Variants in MARCHF1 observed in about 807,000 individuals in gnomAD.
MARCHF1 encodes the protein E3 ubiquitin-protein ligase MARCHF1.
MARCHF1 carries 40 observed loss-of-function variants against 54.2 expected under a neutral mutation model. That is an observed-to-expected ratio of 0.74 (90% CI 0.57 to 0.96). The LOEUF (loss-of-function observed/expected upper bound fraction) is 0.96, where lower values mean the gene tolerates loss of function less well. Ranked by LOEUF, MARCHF1 falls within the 40% of genes least tolerant of loss-of-function variation. The pLI is 0.00. For synonymous variants in MARCHF1, 236 were observed against 236.3 expected (o/e 1.00, Z 0.01); for missense variants, 586 against 656.5 (o/e 0.89, Z 1.17).
intron 1 of MARCHF1, among the ~76,000 whole-genome samples, chr4:164,162,016 C>A (rs1730252952): frequency 6.6e-6 from 1 of 151,990 alleles, no homozygotes; most frequent in South Asian, 2.1e-4. Context: ...TTCATAAAAG[C>A]ACAGAACACT....
chr4:164,227,217 C>A (rs1732283792), intron 1 of MARCHF1, among the ~76,000 whole-genome samples: 1 of 152,070 alleles, frequency 6.6e-6, no homozygotes, highest in Admixed American at 6.6e-5. Flanking sequence ...TGGAAGACAC[C>A]TCTTCACAGG....
chr4:164,313,458 T>C (rs981528850), intron 1 of MARCHF1, among the ~76,000 whole-genome samples: 2 of 151,922 alleles, frequency 1.3e-5, no homozygotes, highest in African/African-American at 4.8e-5. Flanking sequence ...AGCTTATTGA[T>C]AGAGCTGGGC....
At chr4:164,069,172 T>C (rs1180933641) in intron 2 of MARCHF1, among the ~76,000 whole-genome samples, 1 of 152,224 alleles carries the variant, frequency 6.6e-6, no homozygotes, top group Non-Finnish European at 1.5e-5. Flanking sequence ...CTTTTGTGTC[T>C]AGCTCATGGA....
intron 2 of MARCHF1, among the ~76,000 whole-genome samples, chr4:164,092,790 C>A (rs764233168): frequency 1.3e-5 from 2 of 152,082 alleles, no homozygotes; most frequent in South Asian, 2.1e-4. Flanking sequence ...AAGAAAGTTA[C>A]GTTGACTGAT....
chr4:164,014,606 C>A (rs1225038080), intron 2 of MARCHF1, among the ~76,000 whole-genome samples: 1 of 151,840 alleles, frequency 6.6e-6, no homozygotes, highest in Non-Finnish European at 1.5e-5. Context: ...GTGGTGGAAT[C>A]AATAAAAAAC....
At chr4:164,189,095 G>C in intron 1 of MARCHF1, 1 of 680,706 alleles carries the variant, frequency 1.5e-6, no homozygotes, top group Non-Finnish European at 2.7e-6. Context: ...ATTGACAATG[G>C]TGTCTTCGGA....
chr4:164,199,428 G>A lies in MARCHF1; in HGVS notation c.-322-87766C>T, dbSNP rs182633117. On this transcript the variant is annotated intron_variant, in intron 1 of 9. Transcript: ENST00000514618. ...AAGCCAAGGCAGGCAGATCACCTGA[G>A]GTCAGGAGTTCAAGACCAGCCTGGC... 5.6e-3 allele frequency among the ~76,000 whole-genome samples: 858 copies of A among 152,132 alleles called. 6 individuals carry two copies. Among genetic ancestry groups the A allele is most frequent in the African/African-American group, 0.02 (812 of 41,486 alleles).
At chr4:163,610,871 C>CGT (rs1741315944) in intron 7 of MARCHF1, among the ~76,000 whole-genome samples, 1 of 152,036 alleles carries the variant, frequency 6.6e-6, no homozygotes, top group South Asian at 2.1e-4. Flanking sequence ...GCAAGCTTTA[C>CGT]GTTCCCTGAA....
intron 4 of MARCHF1, among the ~76,000 whole-genome samples, chr4:163,822,735 C>T (rs564776988): frequency 9.3e-4 from 141 of 151,922 alleles, no homozygotes; most frequent in African/African-American, 2.8e-3. Flanking sequence ...AACATTCAAA[C>T]TCTTTTCTTT....
chr4:163,777,496 A>C (rs1214868089), intron 4 of MARCHF1, among the ~76,000 whole-genome samples: 1 of 152,202 alleles, frequency 6.6e-6, no homozygotes, highest in African/African-American at 2.4e-5. Flanking sequence ...TTGTGTAAAA[A>C]TGGTCAATTG....
chr4:163,630,693 A>G (rs1742043022), intron 5 of MARCHF1, among the ~76,000 whole-genome samples: 1 of 152,182 alleles, frequency 6.6e-6, no homozygotes, highest in Admixed American at 6.5e-5. Context: ...AGCAAAGCAT[A>G]TTTCTATGTT....
chr4:163,612,211 A>C, intron 7 of MARCHF1, 60 bp downstream of exon 7: 1 of 1,379,414 alleles, frequency 7.2e-7, no homozygotes, highest in East Asian at 2.6e-5. Flanking sequence ...ACACGCACCT[A>C]ACTCACTGCA....
At chr4:164,046,542 A>G (rs572781121) in intron 2 of MARCHF1, among the ~76,000 whole-genome samples, 75 of 152,328 alleles carry the variant, frequency 4.9e-4, no homozygotes, top group African/African-American at 1.8e-3. Context: ...CTGTTTTACT[A>G]TTAATAAAAT....
chr4:164,261,546 C>T (rs1733464587), intron 1 of MARCHF1, among the ~76,000 whole-genome samples: 1 of 152,138 alleles, frequency 6.6e-6, no homozygotes, highest in Non-Finnish European at 1.5e-5. Context: ...TAAATGGTCT[C>T]TTTCCTGGCT....
chr4:163,830,866 C>T (rs369885427), intron 4 of MARCHF1, among the ~76,000 whole-genome samples: 2 of 152,298 alleles, frequency 1.3e-5, no homozygotes, highest in African/African-American at 4.8e-5. Flanking sequence ...AATTCTTTCT[C>T]TTGCTGTGTG....
At chr4:163,778,899 T>C (rs1333589651) in intron 4 of MARCHF1, among the ~76,000 whole-genome samples, 1 of 151,950 alleles carries the variant, frequency 6.6e-6, no homozygotes, top group Non-Finnish European at 1.5e-5. Flanking sequence ...ATGTAACGGG[T>C]ACAATGAGTA....
chr4:163,963,081 T>A (rs1264538148), intron 3 of MARCHF1, among the ~76,000 whole-genome samples: 1 of 151,942 alleles, frequency 6.6e-6, no homozygotes, highest in African/African-American at 2.4e-5. Context: ...TCTTAAGGAA[T>A]AATGGTTTTA....
At position 163,690,993 on chromosome 4, in the gene MARCHF1, C is replaced by T. The variant is rs1382997909; in HGVS notation, c.162+9820G>A. On this transcript the variant is annotated intron_variant, in intron 5 of 9. Coordinates refer to ENST00000514618, the MANE Select transcript of MARCHF1 (RefSeq NM_001394959.1). ...GGCGACCACTGGGAGTGATGATAAGCAGGGTCACTTGCACCTGTTAGTTCT... is the reference window on the plus strand; with the variant it reads ...GGCGACCACTGGGAGTGATGATAAGTAGGGTCACTTGCACCTGTTAGTTCT... Among the ~76,000 whole-genome samples the T allele has an allele frequency of 2.0e-5, 3 of 152,278 alleles. No individual in the cohort carries two copies. In the East Asian group the frequency reaches 5.8e-4, roughly 29 times the overall value.
chr4:163,530,900 C>T (rs1355517875), intron 9 of MARCHF1, among the ~76,000 whole-genome samples: 1 of 151,824 alleles, frequency 6.6e-6, no homozygotes, highest in Non-Finnish European at 1.5e-5. Context: ...GGCCAAAGCT[C>T]ACACAGGAGA....
Sources: gnomAD v4.1 joint callset for allele counts (sites outside exome capture counted in the v4.1 genomes callset) on GRCh38, gnomAD v4.1.1 for gene constraint, MANE v1.5 for transcripts, NCBI Gene and HGNC (gene_info 2026-07-23, HGNC 2026-07-21) for gene names.